Variants in CHN2 observed in about 807,000 individuals in gnomAD.
The protein encoded by CHN2 is chimerin 2, also known as beta-chimaerin.
CHN2 carries 35 observed loss-of-function variants against 56.3 expected under a neutral mutation model. That is an observed-to-expected ratio of 0.62 (90% confidence interval 0.47 to 0.82). CHN2 has a LOEUF of 0.82. CHN2 is among the 40% of genes least tolerant of loss of function. CHN2 has a pLI of 0.00. For synonymous variants in CHN2, 210 were observed against 212.8 expected (o/e 0.99, Z 0.12); for missense variants, 491 against 580.5 (o/e 0.85, Z 1.58).
chr7:29,417,229 G>A (rs1803851673), intron 6 of CHN2, among the ~76,000 whole-genome samples: 1 of 151,710 alleles, frequency 6.6e-6, no homozygotes, highest in Non-Finnish European at 1.5e-5. Context: ...ATCAACATTT[G>A]TTGAGAAAAG....
chr7:29,391,113 C>T (rs976549138), intron 3 of CHN2, among the ~76,000 whole-genome samples: 7 of 151,964 alleles, frequency 4.6e-5, no homozygotes, highest in African/African-American at 9.7e-5. Flanking sequence ...ATTTTCTTTA[C>T]GAGCTTCAGA....
intron 1 of CHN2, among the ~76,000 whole-genome samples, chr7:29,257,268 T>C (rs1312482282): frequency 6.6e-6 from 1 of 152,202 alleles, no homozygotes; most frequent in East Asian, 1.9e-4. Context: ...CCATTTGGCT[T>C]GGTCACACCA....
intron 1 of CHN2, among the ~76,000 whole-genome samples, chr7:29,203,709 C>T (rs1270304879): frequency 6.6e-6 from 1 of 152,118 alleles, no homozygotes; most frequent in Non-Finnish European, 1.5e-5. Context: ...CTCAGTGGCT[C>T]CTGTAGCCCT....
intron 1 of CHN2, among the ~76,000 whole-genome samples, chr7:29,204,069 G>C (rs199512527): frequency 0.022 from 357 of 16,006 alleles, 2 homozygotes; most frequent in East Asian, 0.065. Flanking sequence ...CTCTCTCTCT[G>C]TGTGTGTGTG....
intron 1 of CHN2, among the ~76,000 whole-genome samples, chr7:29,198,599 CTTTA>C (rs1301351265): frequency 6.6e-6 from 1 of 152,020 alleles, no homozygotes; most frequent in Non-Finnish European, 1.5e-5. Flanking sequence ...CTTTGATTAC[CTTTA>C]TTATTTTAAA....
intron 6 of CHN2, among the ~76,000 whole-genome samples, chr7:29,479,108 G>A (rs1417843107): frequency 6.6e-6 from 1 of 152,142 alleles, no homozygotes; most frequent in Non-Finnish European, 1.5e-5. Flanking sequence ...TCACCAATGA[G>A]TCAGGAGTAC....
At chr7:29,429,977 G>A (rs981067310) in intron 6 of CHN2, among the ~76,000 whole-genome samples, 4 of 152,166 alleles carry the variant, frequency 2.6e-5, no homozygotes, top group African/African-American at 9.7e-5. Flanking sequence ...ATAGAAGCAC[G>A]CTGTTCCAAG....
At chr7:29,273,341 G>T (rs13229145) in intron 1 of CHN2, among the ~76,000 whole-genome samples, 1 of 76,634 alleles carries the variant, frequency 1.3e-5, no homozygotes, top group Admixed American at 1.2e-4. Context: ...ATATATATAT[G>T]TGTATATATA....
intron 1 of CHN2, among the ~76,000 whole-genome samples, chr7:29,255,055 T>A (rs1788959440): frequency 6.6e-6 from 1 of 152,076 alleles, no homozygotes; most frequent in South Asian, 2.1e-4. Flanking sequence ...AGGAAAGAGT[T>A]CAGGTCCATT....
intron 1 of CHN2, among the ~76,000 whole-genome samples, chr7:29,246,763 A>G (rs1459401594): frequency 6.6e-6 from 1 of 152,152 alleles, no homozygotes; most frequent in Non-Finnish European, 1.5e-5. Flanking sequence ...GTCTGATGAG[A>G]GCCTTCTTCC....
At chr7:29,441,009 G>A (rs1209941560) in intron 6 of CHN2, among the ~76,000 whole-genome samples, 1 of 151,952 alleles carries the variant, frequency 6.6e-6, no homozygotes, top group Non-Finnish European at 1.5e-5. Context: ...ATTAGATCAG[G>A]CTAATTAACA....
chr7:29,169,728 C>T (rs955556359), intron 2 of CHN2, among the ~76,000 whole-genome samples: 5 of 152,088 alleles, frequency 3.3e-5, no homozygotes, highest in Admixed American at 1.3e-4. Flanking sequence ...AGAAAAGCTT[C>T]TTCCTCCCTT....
intron 1 of CHN2, among the ~76,000 whole-genome samples, chr7:29,325,292 T>G (rs1221399861): frequency 2.0e-5 from 3 of 152,222 alleles, no homozygotes; most frequent in Non-Finnish European, 4.4e-5. Context: ...TGACACAGTT[T>G]GCCCAGATGT....
At chr7:29,469,011 A>G (rs1785807029) in intron 6 of CHN2, among the ~76,000 whole-genome samples, 2 of 152,238 alleles carry the variant, frequency 1.3e-5, no homozygotes, top group South Asian at 4.2e-4. Flanking sequence ...ATGTTCCTAT[A>G]CCCAAAATGG....
At chr7:29,386,695 T>C (rs1446887575) in intron 3 of CHN2, among the ~76,000 whole-genome samples, 1 of 152,212 alleles carries the variant, frequency 6.6e-6, no homozygotes, top group African/African-American at 2.4e-5. Context: ...CTGAGAAGTC[T>C]TCCTTAAAAT....
intron 6 of CHN2, among the ~76,000 whole-genome samples, chr7:29,406,156 A>G (rs1802634405): frequency 2.0e-5 from 3 of 152,192 alleles, no homozygotes. Context: ...CCTTACAGGA[A>G]ATTTGCAGCC....
intron 2 of CHN2, among the ~76,000 whole-genome samples, chr7:29,158,203 A>C (rs546207296): frequency 6.6e-6 from 1 of 152,350 alleles, no homozygotes; most frequent in South Asian, 2.1e-4. Context: ...TCCGGAATGA[A>C]TGAATGTCTA....
At chr7:29,414,970 C>T (rs1803581701) in intron 6 of CHN2, among the ~76,000 whole-genome samples, 1 of 152,202 alleles carries the variant, frequency 6.6e-6, no homozygotes, top group Non-Finnish European at 1.5e-5. Flanking sequence ...AGTTGGCTGC[C>T]TCTCTGTAGC....
intron 1 of CHN2, among the ~76,000 whole-genome samples, chr7:29,258,133 A>G (rs930036462): frequency 5.9e-5 from 9 of 152,004 alleles, no homozygotes; most frequent in African/African-American, 2.2e-4. Flanking sequence ...TCTCTTGCCT[A>G]CAGATTTTTG....
Sources: allele counts gnomAD v4.1 joint callset (sites outside exome capture counted in the v4.1 genomes callset), GRCh38; gene constraint gnomAD v4.1.1; transcripts MANE v1.5; gene names NCBI Gene and HGNC (gene_info 2026-07-23, HGNC 2026-07-21).